Variants in PTPRT observed in about 807,000 individuals in gnomAD.
PTPRT encodes protein tyrosine phosphatase receptor type T, also known as receptor-type tyrosine-protein phosphatase T.
A neutral mutation model predicts 176.8 loss-of-function variants in PTPRT; 56 were observed. That is an observed-to-expected ratio of 0.32 (90% CI 0.26 to 0.40). The LOEUF is 0.40. Ranked by LOEUF, PTPRT falls within the 10% of genes least tolerant of loss-of-function variation. PTPRT has a pLI of 1.00. For missense variants in PTPRT, 1,540 were observed against 1,908.2 expected (o/e 0.81, Z 3.60); for synonymous variants, 783 against 739.0 (o/e 1.06, Z -0.96).
chr20:42,759,527 A>G (rs1316024088), intron 5 of PTPRT, among the ~76,000 whole-genome samples: 2 of 152,182 alleles, frequency 1.3e-5, no homozygotes, highest in Non-Finnish European at 2.9e-5. Flanking sequence ...CAGAGATACA[A>G]ATGTTAGGAT....
intron 2 of PTPRT, among the ~76,000 whole-genome samples, chr20:42,873,913 C>T (rs892116653): frequency 2.0e-5 from 3 of 152,196 alleles, no homozygotes; most frequent in African/African-American, 7.2e-5. Flanking sequence ...TAAACTATTT[C>T]CTTTTCTTAC....
At position 42,780,280 on chromosome 20, in the gene PTPRT, G is replaced by A; in HGVS notation, c.506C>T (p.Ser169Leu). The change falls in exon 4 of 31, where the codon TCA becomes TTA. Residue 169 changes from serine (S) to leucine (L), a missense_variant. Ser to Leu is a moderately radical substitution (Grantham distance 145, BLOSUM62 -2). Around this residue, in one of 11 missense-constraint regions of PTPRT, gnomAD observed 273 missense variants for 432.1 expected, o/e 0.63. Coordinates refer to ENST00000373187, the MANE Select transcript of PTPRT (RefSeq NM_007050.6). The stretch of plus-strand genomic sequence containing the variant: ...GATGTAGCCAGGATGACCCTTCAAT[G>A]AGACGGATTCAAATATCACCTGCAA... ...HFYQVIFESV[S>L]LKGHPGYIAV... 1 of 1,613,964 alleles carries A rather than the reference G, an allele frequency of 6.2e-7. No individual in the cohort carries two copies.
At chr20:42,204,291 T>C (rs1339346581) in intron 15 of PTPRT, among the ~76,000 whole-genome samples, 3 of 142,986 alleles carry the variant, frequency 2.1e-5, no homozygotes, top group African/African-American at 8.2e-5. Context: ...CTATAGCATG[T>C]TGAAGAAGAA....
intron 9 of PTPRT, among the ~76,000 whole-genome samples, chr20:42,391,801 G>A (rs1300626549): frequency 1.3e-5 from 2 of 152,162 alleles, no homozygotes; most frequent in East Asian, 3.8e-4. Context: ...GAAAACAGAT[G>A]TAAATGCTCT....
At position 42,292,563 on chromosome 20, in the gene PTPRT, G is replaced by A. The variant is rs115215088; in HGVS notation, c.2140-10038C>T. Among the ~76,000 whole-genome samples, 549 of 152,194 alleles carry A rather than the reference G, an allele frequency of 3.6e-3. 7 individuals carry two copies. The highest frequency in any genetic ancestry group is 0.011 in the African/African-American group (470 of 41,528). On this transcript the variant is annotated intron_variant, in intron 12 of 30. Transcript: ENST00000373187. ...TAAATAACATTTTTCAAGGTTACAC[G>A]TATAATAAGCCAGGCTAAAATACAA...
intron 1 of PTPRT, among the ~76,000 whole-genome samples, chr20:43,165,370 T>A (rs1028937343): frequency 6.6e-6 from 1 of 151,734 alleles, no homozygotes; most frequent in Admixed American, 6.6e-5. Context: ...ACCATGTTGG[T>A]CAGGCTGGTC....
At chr20:42,598,948 G>C (rs2073726207) in intron 7 of PTPRT, among the ~76,000 whole-genome samples, 1 of 152,186 alleles carries the variant, frequency 6.6e-6, no homozygotes, top group Non-Finnish European at 1.5e-5. Flanking sequence ...GAAGATACTG[G>C]CAGGCTAGAA....
chr20:43,106,588 C>T (rs370234538), intron 1 of PTPRT, among the ~76,000 whole-genome samples: 102 of 146,144 alleles, frequency 7.0e-4, no homozygotes, highest in African/African-American at 2.4e-3. Flanking sequence ...ACATGGGAGG[C>T]ACAGGTTGCA....
At chr20:42,996,267 T>C in intron 1 of PTPRT, among the ~76,000 whole-genome samples, 1 of 152,182 alleles carries the variant, frequency 6.6e-6, no homozygotes, top group East Asian at 1.9e-4. Context: ...TTTAAGATCC[T>C]TACAGCAATC....
intron 15 of PTPRT, among the ~76,000 whole-genome samples, chr20:42,206,590 C>T (rs571244171): frequency 5.3e-4 from 80 of 152,342 alleles, no homozygotes; most frequent in African/African-American, 1.8e-3. Flanking sequence ...TAAAAAACGG[C>T]GAACCACGAG....
At chr20:42,300,504 A>T (rs908419923) in intron 12 of PTPRT, among the ~76,000 whole-genome samples, 1 of 152,076 alleles carries the variant, frequency 6.6e-6, no homozygotes, top group African/African-American at 2.4e-5. Flanking sequence ...TCAGAATGAC[A>T]AAAGAACCAT....
intron 11 of PTPRT, among the ~76,000 whole-genome samples, chr20:42,328,732 G>A (rs949018085): frequency 9.4e-5 from 11 of 117,444 alleles, no homozygotes; most frequent in African/African-American, 3.7e-4. Context: ...TAGTGTTTGA[G>A]GTTGGAATTT....
chr20:42,228,461 C>T (rs1389099588), intron 15 of PTPRT, among the ~76,000 whole-genome samples: 3 of 152,184 alleles, frequency 2.0e-5, no homozygotes, highest in Admixed American at 6.5e-5. Flanking sequence ...CATGGTCTAG[C>T]CCAGTGCATT....
intron 1 of PTPRT, among the ~76,000 whole-genome samples, chr20:42,903,573 T>A (rs1162754091): frequency 3.9e-5 from 6 of 152,238 alleles, no homozygotes; most frequent in African/African-American, 1.2e-4. Flanking sequence ...AGTATTATCA[T>A]AAGTACAGTT....
At chr20:42,307,256 G>A (rs568992709) in intron 12 of PTPRT, among the ~76,000 whole-genome samples, 166 of 152,262 alleles carry the variant, frequency 1.1e-3, no homozygotes, top group Non-Finnish European at 1.6e-3. Flanking sequence ...CTTGTAGAAC[G>A]AATGCTCTAT....
intron 1 of PTPRT, among the ~76,000 whole-genome samples, chr20:43,032,473 TAAA>T (rs375146456): frequency 0.02 from 2,377 of 121,642 alleles, 76 homozygotes; most frequent in African/African-American, 0.066. Context: ...ATCTTTTCAT[TAAA>T]AAAAAAAAAA....
chr20:42,277,161 T>G (rs2057053616), intron 13 of PTPRT, among the ~76,000 whole-genome samples: 1 of 152,172 alleles, frequency 6.6e-6, no homozygotes. Flanking sequence ...GCTTCATTAT[T>G]CTGGAGTTCA....
intron 15 of PTPRT, among the ~76,000 whole-genome samples, chr20:42,225,324 T>C (rs1226110074): frequency 6.6e-6 from 1 of 152,154 alleles, no homozygotes; most frequent in East Asian, 1.9e-4. Flanking sequence ...TATAATTTCA[T>C]AAATGACAAT....
intron 2 of PTPRT, among the ~76,000 whole-genome samples, chr20:42,866,050 T>A (rs2078740694): frequency 6.6e-6 from 1 of 152,200 alleles, no homozygotes; most frequent in Non-Finnish European, 1.5e-5. Context: ...TAAAATTGCC[T>A]GCTGTTTCCT....
Sources: allele counts gnomAD v4.1 joint callset (sites outside exome capture counted in the v4.1 genomes callset), GRCh38; gene constraint gnomAD v4.1.1; regional missense constraint gnomAD v4.1.1; transcripts MANE v1.5; gene names NCBI Gene and HGNC (gene_info 2026-07-23, HGNC 2026-07-21).